Variants in C2CD5 observed in about 807,000 individuals in gnomAD.
C2CD5 encodes the protein C2 domain-containing protein 5.
In C2CD5, 109 loss-of-function variants were observed where a neutral mutation model predicts 130.3. That is an observed-to-expected ratio of 0.84 (90% CI 0.72 to 0.98). C2CD5 has a LOEUF of 0.98. C2CD5 is among the 50% of genes least tolerant of loss of function. The probability of loss-of-function intolerance (pLI) is 0.00; values close to 1 mark genes in which losing one functional copy is unlikely to be tolerated. For missense variants in C2CD5, 996 were observed against 1,261.8 expected (o/e 0.79, Z 3.19); for synonymous variants, 454 against 429.2 (o/e 1.06, Z -0.71).
chr12:22,524,649 C>T, intron 5 of C2CD5, 22 bp from the exon 6 acceptor site: 10 of 1,587,954 alleles, frequency 6.3e-6, no homozygotes, highest in Non-Finnish European at 7.7e-6. Context: ...AATTATTATG[C>T]TTCTGTTTAT....
intron 4 of C2CD5, among the ~76,000 whole-genome samples, chr12:22,526,997 T>A (rs531379138): frequency 6.6e-6 from 1 of 152,180 alleles, no homozygotes; most frequent in Non-Finnish European, 1.5e-5. Context: ...TACAAAAAAT[T>A]TAAAAATCAG....
intron 3 of C2CD5, among the ~76,000 whole-genome samples, chr12:22,530,440 T>A (rs987645242): frequency 4.6e-5 from 7 of 151,378 alleles, no homozygotes; most frequent in Non-Finnish European, 1.0e-4. Flanking sequence ...GGAAGACTAG[T>A]CAAAACAGTA....
chr12:22,493,988 C>A (rs1405451220), intron 10 of C2CD5, among the ~76,000 whole-genome samples: 1 of 151,662 alleles, frequency 6.6e-6, no homozygotes, highest in African/African-American at 2.4e-5. Context: ...ATATAACACT[C>A]CATGTATTGG....
At chr12:22,473,265 C>T (rs1404883130) in intron 16 of C2CD5, among the ~76,000 whole-genome samples, 1 of 152,128 alleles carries the variant, frequency 6.6e-6, no homozygotes, top group Non-Finnish European at 1.5e-5. Flanking sequence ...CTTCTTACAT[C>T]ACCATATTCC....
At chr12:22,517,961 T>G (rs1949912157) in intron 8 of C2CD5, 25 bp downstream of exon 8, 1 of 1,553,850 alleles carries the variant, frequency 6.4e-7, no homozygotes, top group Non-Finnish European at 8.7e-7. Context: ...AAAGAAAAAA[T>G]AAAAGGTGGG....
chr12:22,464,931 T>C (rs1026366195), intron 22 of C2CD5, among the ~76,000 whole-genome samples: 55 of 152,258 alleles, frequency 3.6e-4, no homozygotes, highest in African/African-American at 1.3e-3. Flanking sequence ...AAAATAATGT[T>C]AGCAAGACAT....
intron 16 of C2CD5, among the ~76,000 whole-genome samples, chr12:22,474,431 AAGTT>A (rs1943534632): frequency 6.6e-6 from 1 of 152,186 alleles, no homozygotes; most frequent in Non-Finnish European, 1.5e-5. Context: ...TAATTATAGT[AAGTT>A]AAAGAATGGC....
At chr12:22,511,137 A>G (rs1262638230) in intron 9 of C2CD5, among the ~76,000 whole-genome samples, 3 of 151,896 alleles carry the variant, frequency 2.0e-5, no homozygotes. Context: ...ATAATCCGTA[A>G]AAGAGATTGG....
intron 8 of C2CD5, chr12:22,515,107 G>A (rs1221933919): frequency 1.0e-6 from 1 of 984,890 alleles, no homozygotes; most frequent in African/African-American, 1.7e-5. Context: ...AGAGAGAGGG[G>A]GAGCTGGGAC....
At chr12:22,522,703 ATTTGAG>A (rs1174871872) in intron 7 of C2CD5, among the ~76,000 whole-genome samples, 2 of 152,140 alleles carry the variant, frequency 1.3e-5, no homozygotes, top group Admixed American at 6.5e-5. Context: ...GCCTCTAGAC[ATTTGAG>A]TTTAACACTT....
intron 17 of C2CD5, 56 bp from the exon 18 acceptor site, chr12:22,472,403 T>A: frequency 1.1e-6 from 1 of 935,446 alleles, no homozygotes; most frequent in Non-Finnish European, 1.6e-6. Context: ...ATTTTTGTGT[T>A]AAATGACATT....
At chr12:22,532,271 A>G (rs1326360686) in intron 3 of C2CD5, among the ~76,000 whole-genome samples, 3 of 151,876 alleles carry the variant, frequency 2.0e-5, no homozygotes, top group Non-Finnish European at 4.4e-5. Flanking sequence ...CAGAGGTTGC[A>G]GTGAGCCAAG....
At chr12:22,512,673 A>T (rs1418105278) in intron 9 of C2CD5, 13 of 1,500,276 alleles carry the variant, frequency 8.7e-6, no homozygotes, top group Non-Finnish European at 1.1e-5. Context: ...CTATGAGGCG[A>T]TCCTCCCTTA....
intron 12 of C2CD5, among the ~76,000 whole-genome samples, chr12:22,486,913 T>C (rs1358717229): frequency 6.6e-6 from 1 of 152,156 alleles, no homozygotes; most frequent in Non-Finnish European, 1.5e-5. Context: ...CATCTACAAC[T>C]ATCTGATTTT....
chr12:22,456,817 C>G (rs1343159717), intron 25 of C2CD5, among the ~76,000 whole-genome samples, 154 bp downstream of exon 25: 4 of 151,916 alleles, frequency 2.6e-5, no homozygotes, highest in Admixed American at 2.0e-4. Flanking sequence ...ATCCTCGCTG[C>G]TAAATGAAAT....
chr12:22,523,248 A>T (rs959347419), intron 7 of C2CD5, among the ~76,000 whole-genome samples, 178 bp downstream of exon 7: 2 of 152,146 alleles, frequency 1.3e-5, no homozygotes, highest in African/African-American at 4.8e-5. Flanking sequence ...AGACGGTATA[A>T]ATAAAATATT....
At chr12:22,481,047 T>G (rs1179964023) in intron 14 of C2CD5, among the ~76,000 whole-genome samples, 1 of 152,122 alleles carries the variant, frequency 6.6e-6, no homozygotes, top group Non-Finnish European at 1.5e-5. Flanking sequence ...TTGAACGATC[T>G]GCCCACCTCA....
At chr12:22,519,345 C>T (rs1391333857) in intron 7 of C2CD5, 5 of 941,010 alleles carry the variant, frequency 5.3e-6, no homozygotes, top group Non-Finnish European at 7.3e-6. Context: ...GGGAAGAGAA[C>T]TTATTTTTTT....
At chr12:22,478,845 C>CA (rs977710264) in intron 14 of C2CD5, among the ~76,000 whole-genome samples, 5 of 144,394 alleles carry the variant, frequency 3.5e-5, no homozygotes, top group Admixed American at 1.4e-4. Context: ...GACTCTGTCT[C>CA]AAAAAAAAGA....
Sources: gnomAD v4.1 joint callset for allele counts (sites outside exome capture counted in the v4.1 genomes callset) on GRCh38, gnomAD v4.1.1 for gene constraint, MANE v1.5 for transcripts, NCBI Gene and HGNC (gene_info 2026-07-23, HGNC 2026-07-21) for gene names.